The following NUP133 variants were observed in gnomAD, a reference collection of about 807,000 sequenced individuals.
NUP133 encodes the protein nucleoporin 133.
Under a neutral mutation model 146.2 loss-of-function variants are expected in NUP133, and 66 were observed. The observed-to-expected ratio is 0.45, with a 90% CI of 0.37 to 0.55. The LOEUF (loss-of-function observed/expected upper bound fraction) is 0.55. Among genes scored for constraint, NUP133 ranks in the 20% least tolerant of loss-of-function variants. The pLI is 0.00. For synonymous variants in NUP133, 521 were observed against 498.8 expected (o/e 1.04, Z -0.59); for missense variants, 1,277 against 1,374.8 (o/e 0.93, Z 1.12).
chr1:229,476,946 A>AAC (rs1198906463), intron 13 of NUP133, among the ~76,000 whole-genome samples: 1 of 151,682 alleles, frequency 6.6e-6, no homozygotes, highest in African/African-American at 2.4e-5. Flanking sequence ...AAAAACAAAA[A>AAC]AAAAAACTGG....
At position 229,450,023 on chromosome 1, in the gene NUP133, G is replaced by A. The variant is rs149971548; in HGVS notation, c.3180+502C>T. On this transcript the variant is annotated intron_variant, in intron 23 of 25. Transcript: ENST00000261396. ...CTCCCAAGTAGCTGGGATTACAGGC[G>A]TGCGCCACCATACCCATCTAATTTT... is the stretch of plus-strand genomic sequence containing the variant. Among the ~76,000 whole-genome samples, 552 of 150,036 alleles carry A rather than the reference G, an allele frequency of 3.7e-3. 10 individuals are homozygous for A. In the East Asian group the frequency reaches 0.05, roughly 14 times the overall value.
intron 2 of NUP133, among the ~76,000 whole-genome samples, chr1:229,505,591 AAACT>A (rs1441916678): frequency 1.3e-5 from 2 of 150,120 alleles, no homozygotes; most frequent in African/African-American, 4.9e-5. Context: ...AAAAAAAAAA[AAACT>A]AAGACAGGTG....
At chr1:229,467,265 T>C (rs902047504) in intron 15 of NUP133, among the ~76,000 whole-genome samples, 4 of 152,230 alleles carry the variant, frequency 2.6e-5, no homozygotes, top group African/African-American at 9.6e-5. Context: ...TGTCATTAAT[T>C]AATACATGGA....
intron 13 of NUP133, 115 bp downstream of exon 13, chr1:229,477,482 A>T: frequency 1.3e-6 from 1 of 740,894 alleles, no homozygotes; most frequent in Non-Finnish European, 2.0e-6. Context: ...TTTAAAAAAT[A>T]TTGAATTAAT....
At chr1:229,496,488 AAAC>A (rs1661659834) in intron 6 of NUP133, among the ~76,000 whole-genome samples, 2 of 152,100 alleles carry the variant, frequency 1.3e-5, no homozygotes, top group Middle Eastern at 3.2e-3. Flanking sequence ...CAAACAAACA[AAAC>A]AAACCAGAAA....
chr1:229,507,927 G>C lies in NUP133; in HGVS notation c.182+141C>G, dbSNP rs370672620. ...AACGAAGCAGATACTACCTGCAGCA[G>C]TGGAAAAGGTCTATTTTCCAATACT... On this transcript the variant is annotated intron_variant, in intron 1 of 25. Transcript: ENST00000261396. 24 of 1,262,666 alleles carry C rather than the reference G, an allele frequency of 1.9e-5. No homozygotes were observed. The South Asian group carries it at 2.3e-4, about 12-fold the overall frequency. The allele number at this position is 1,262,666 out of a possible 1,614,324, so 78.2% of individuals were successfully genotyped here.
Position 229,475,655 on chromosome 1 carries a change from TAAGAA to T in NUP133, c.1829_1833del (p.Phe610TyrfsTer19), listed in dbSNP as rs1366219184. 1 of 1,614,040 alleles carries T rather than the reference TAAGAA, an allele frequency of 6.2e-7. No individual in the cohort carries two copies. On this transcript the variant is annotated frameshift_variant, in exon 14 of 26. Coordinates refer to ENST00000261396, the MANE Select transcript of NUP133 (RefSeq NM_018230.3). LOFTEE classifies it high-confidence loss of function. ...GCTCTTACTTGATGAATAAAGTCCATAAGAAAAGAGTGAGCTTTCATCTTGTCTTC... is the reference window on the plus strand; with the variant it reads ...GCTCTTACTTGATGAATAAAGTCCATAAGAGTGAGCTTTCATCTTGTCTTC...
chr1:229,485,741 T>C (rs1030738994), intron 11 of NUP133, among the ~76,000 whole-genome samples: 1 of 152,136 alleles, frequency 6.6e-6, no homozygotes, highest in South Asian at 2.1e-4. Flanking sequence ...ACTAAAAGGC[T>C]TAAATGTAGT....
Position 229,441,734 on chromosome 1 carries a change from C to A in NUP133, c.*170G>T. The A allele has an allele frequency of 1.7e-6, 1 of 574,598 alleles. No homozygotes were observed. The allele number at this position is 574,598 out of a possible 1,614,324, so 35.6% of individuals were successfully genotyped here. A position where few individuals can be genotyped will look rare whatever the true frequency, so the allele number is the denominator to read the frequency against. On this transcript the variant is annotated 3_prime_UTR_variant, in exon 26 of 26. Coordinates refer to ENST00000261396, the MANE Select transcript of NUP133 (RefSeq NM_018230.3). ...AAAAAACAAGTCACATAACTGAAAA[C>A]CAAAATCACAGTTACATAACTATTT...
intron 20 of NUP133, among the ~76,000 whole-genome samples, chr1:229,459,650 A>T (rs1660649137): frequency 6.6e-6 from 1 of 152,174 alleles, no homozygotes; most frequent in Non-Finnish European, 1.5e-5. Context: ...GGTTTAGTGT[A>T]ATGTTCTCCA....
Position 229,506,065 on chromosome 1 carries a change from G to T in NUP133, c.276C>A (p.Val92=). The T allele has an allele frequency of 6.2e-7, 1 of 1,608,326 alleles. No homozygotes were observed. Among genetic ancestry groups the T allele is most frequent in the South Asian group, 1.1e-5 (1 of 90,888 alleles). Residue 92 remains valine, a synonymous_variant, in exon 2 of 26, where the codon GTC becomes GTA. Transcript: ENST00000261396. Reference sequence around the variant, plus strand: ...CTTCAGCCAATGTTAGGGCTTCCATGACTTTAACAGGAAGAGAAGATCCAA... The same window carrying T: ...CTTCAGCCAATGTTAGGGCTTCCATTACTTTAACAGGAAGAGAAGATCCAA... ...KTFGSSLPVK[V]MEALTLAEVD...
chr1:229,507,885 G>C, intron 1 of NUP133, 183 bp downstream of exon 1: 1 of 979,152 alleles, frequency 1.0e-6, no homozygotes, highest in Non-Finnish European at 1.2e-6. Flanking sequence ...GGAATCAACT[G>C]ATCAACTGAT....
intron 22 of NUP133, 79 bp from the exon 23 acceptor site, chr1:229,450,684 A>T: frequency 1.5e-6 from 1 of 658,574 alleles, no homozygotes; most frequent in Non-Finnish European, 2.5e-6. Context: ...AAAAGAAGTC[A>T]TTATGTCTTG....
intron 8 of NUP133, among the ~76,000 whole-genome samples, chr1:229,490,549 C>T (rs942833870): frequency 1.3e-5 from 2 of 152,138 alleles, no homozygotes; most frequent in Non-Finnish European, 1.5e-5. Flanking sequence ...CATCAGTGAT[C>T]TCCAGGGGCT....
At position 229,499,890 on chromosome 1, in the gene NUP133, T is replaced by C. The variant is rs1661753458; in HGVS notation, c.514-72A>G. The C allele has an allele frequency of 9.9e-6, 15 of 1,509,052 alleles. No homozygotes were observed. In the Admixed American group the frequency reaches 2.4e-4, roughly 24 times the overall value. 93.5% of individuals were successfully genotyped at this position (1,509,052 alleles called of 1,614,324 possible). A position where few individuals can be genotyped will look rare whatever the true frequency, so the allele number is the denominator to read the frequency against. ...CCAAAAACCAGCAGTCTGATGGCAATGATACAAAGAAACAGGACAATTTAC... is the reference window on the plus strand; with the variant it reads ...CCAAAAACCAGCAGTCTGATGGCAACGATACAAAGAAACAGGACAATTTAC... On this transcript the variant is annotated intron_variant, in intron 4 of 25. Coordinates refer to ENST00000261396, the MANE Select transcript of NUP133 (RefSeq NM_018230.3).
At chr1:229,446,370 CT>C (rs1045498467) in intron 24 of NUP133, among the ~76,000 whole-genome samples, 112 of 152,174 alleles carry the variant, frequency 7.4e-4, no homozygotes, top group African/African-American at 2.4e-3. Context: ...GATTGAGCCA[CT>C]GCACTCCAGC....
chr1:229,459,901 T>C (rs953041602), intron 20 of NUP133, among the ~76,000 whole-genome samples: 1 of 152,122 alleles, frequency 6.6e-6, no homozygotes, highest in Non-Finnish European at 1.5e-5. Context: ...CCAGATCATA[T>C]GGTATTTCTA....
chr1:229,491,596 T>C (rs1661516861), intron 8 of NUP133, among the ~76,000 whole-genome samples: 1 of 152,210 alleles, frequency 6.6e-6, no homozygotes, highest in South Asian at 2.1e-4. Flanking sequence ...CTGGCCAACA[T>C]GGCAAAATCC....
chr1:229,464,797 G>A lies in NUP133; in HGVS notation c.2378C>T (p.Ala793Val). Residue 793 changes from alanine to valine, a missense_variant, in exon 18 of 26, where the codon GCA becomes GTA. Ala to Val is a moderately conservative substitution (Grantham distance 64, BLOSUM62 0). Around this residue, in one of 3 missense-constraint regions of NUP133, gnomAD observed 952 missense variants for 1,047.0 expected, o/e 0.91. Coordinates refer to ENST00000261396, the MANE Select transcript of NUP133 (RefSeq NM_018230.3). ...EIVLKVAYPQ[A>V]DSNLRNIVTE... ...CACGATGTTTCGGAGGTTGCTGTCT[G>A]CCTGTGGATAAGCCACCTTCAGGAC... The A allele has an allele frequency of 6.2e-7, 1 of 1,614,212 alleles. No homozygotes were observed. The highest frequency in any genetic ancestry group is 8.5e-7 in the Non-Finnish European group (1 of 1,180,042).
Sources: allele counts gnomAD v4.1 joint callset (sites outside exome capture counted in the v4.1 genomes callset), GRCh38; gene constraint gnomAD v4.1.1; regional missense constraint gnomAD v4.1.1; transcripts MANE v1.5; gene names NCBI Gene and HGNC (gene_info 2026-07-23, HGNC 2026-07-21).